Variants in KIAA1217 observed in about 807,000 individuals in gnomAD.
The protein encoded by KIAA1217 is KIAA1217, also known as sickle tail protein homolog.
KIAA1217 carries 88 observed loss-of-function variants against 163.9 expected under a neutral mutation model. The ratio of observed to expected loss-of-function variants is 0.54; its 90% CI spans 0.45 to 0.64. The LOEUF (loss-of-function observed/expected upper bound fraction) is 0.64, where lower values mean the gene tolerates loss of function less well. Ranked by LOEUF, KIAA1217 falls within the 30% of genes least tolerant of loss-of-function variation. The probability of loss-of-function intolerance (pLI) is 0.00; values close to 1 mark genes in which losing one functional copy is unlikely to be tolerated. For missense variants in KIAA1217, 2,372 were observed against 2,475.0 expected, an observed-to-expected ratio of 0.96 and a Z score of 0.88; for synonymous variants, 903 against 923.1, an observed-to-expected ratio of 0.98 and a Z score of 0.39.
chr10:24,265,485 T>C (rs2076148112), intron 2 of KIAA1217, among the ~76,000 whole-genome samples: 1 of 152,218 alleles, frequency 6.6e-6, no homozygotes, highest in South Asian at 2.1e-4. Flanking sequence ...TTCTTAGCTT[T>C]GTCTCTATCC....
At chr10:24,004,241 T>C (rs1039002697) in intron 1 of KIAA1217, among the ~76,000 whole-genome samples, 3 of 152,144 alleles carry the variant, frequency 2.0e-5, no homozygotes, top group Non-Finnish European at 4.4e-5. Flanking sequence ...CCTCCCAAAG[T>C]GCTGGGATTA....
intron 2 of KIAA1217, among the ~76,000 whole-genome samples, chr10:24,131,426 C>A (rs148151728): frequency 3.3e-5 from 5 of 152,080 alleles, no homozygotes; most frequent in Non-Finnish European, 5.9e-5. Flanking sequence ...ATGGAGAAAA[C>A]ATTTTCACAA....
Position 23,979,876 on chromosome 10 carries a change from T to A in KIAA1217, c.-320-27349T>A, listed in dbSNP as rs145460592. Among the ~76,000 whole-genome samples, 925 of 152,312 alleles carry A rather than the reference T, an allele frequency of 6.1e-3. 8 individuals carry two copies. The highest frequency in any genetic ancestry group is 0.021 in the African/African-American group (886 of 41,566). On this transcript the variant is annotated intron_variant, in intron 1 of 18. Transcript: ENST00000376462. ...TTTTCCTTTTTTTTCTAATTTTTGT[T>A]CCTTATTTCTCATATCTTTTGCTCT...
At chr10:24,108,379 T>A (rs970074008) in intron 2 of KIAA1217, among the ~76,000 whole-genome samples, 3 of 152,204 alleles carry the variant, frequency 2.0e-5, no homozygotes, top group Non-Finnish European at 2.9e-5. Context: ...CTTTTGAGGT[T>A]GTATAGTAAA....
intron 1 of KIAA1217, among the ~76,000 whole-genome samples, chr10:23,750,180 A>T (rs986357725): frequency 2.6e-5 from 4 of 152,120 alleles, no homozygotes; most frequent in Admixed American, 2.6e-4. Context: ...TAATATCCAA[A>T]CTGTCAGCTT....
At chr10:24,465,365 T>G (rs751988084) in intron 5 of KIAA1217, among the ~76,000 whole-genome samples, 1 of 152,250 alleles carries the variant, frequency 6.6e-6, no homozygotes, top group Non-Finnish European at 1.5e-5. Context: ...AGTGATTTGA[T>G]GGCAGTAAAC....
At chr10:23,973,177 GT>G (rs5783870) in intron 1 of KIAA1217, among the ~76,000 whole-genome samples, 92,207 of 151,992 alleles carry the variant, frequency 0.61, 29,975 homozygotes, top group African/African-American at 0.85. Flanking sequence ...TGAATTTAAA[GT>G]TTTTTTCCGC....
intron 3 of KIAA1217, among the ~76,000 whole-genome samples, chr10:24,384,230 C>T (rs1192883419): frequency 6.6e-6 from 1 of 152,196 alleles, no homozygotes; most frequent in Non-Finnish European, 1.5e-5. Context: ...TAAGTTCTCT[C>T]ATGAAGCCCT....
intron 1 of KIAA1217, among the ~76,000 whole-genome samples, chr10:23,719,609 A>G (rs1178360565): frequency 6.6e-6 from 1 of 151,658 alleles, no homozygotes; most frequent in Non-Finnish European, 1.5e-5. Context: ...TAAATAAATA[A>G]AAAGGAAGAA....
chr10:24,124,871 T>C (rs944627620), intron 2 of KIAA1217, among the ~76,000 whole-genome samples: 1 of 152,242 alleles, frequency 6.6e-6, no homozygotes, highest in African/African-American at 2.4e-5. Flanking sequence ...TTACTCATTT[T>C]ATATTAACTT....
chr10:24,252,629 A>C (rs2131547681), intron 2 of KIAA1217, among the ~76,000 whole-genome samples: 1 of 152,224 alleles, frequency 6.6e-6, no homozygotes, highest in African/African-American at 2.4e-5. Flanking sequence ...GCTACATGTG[A>C]TCAGATTTGG....
intron 2 of KIAA1217, among the ~76,000 whole-genome samples, chr10:24,115,317 T>C (rs12262672): frequency 0.063 from 9,641 of 152,262 alleles, 894 homozygotes; most frequent in African/African-American, 0.2. Context: ...TTTGCATTCA[T>C]TATTTAGATG....
chr10:23,709,193 T>C (rs1837074460), intron 1 of KIAA1217, among the ~76,000 whole-genome samples: 1 of 152,090 alleles, frequency 6.6e-6, no homozygotes, highest in Admixed American at 6.6e-5. Context: ...TCTCAGGTAT[T>C]CGGCTATAGC....
rs77189067 is a variant in KIAA1217, at chr10:24,238,874, T to C, written c.354+18965T>C. Among the ~76,000 whole-genome samples, 979 of 152,304 alleles carry C rather than the reference T, an allele frequency of 6.4e-3. 13 individuals are homozygous for C. The highest frequency in any genetic ancestry group is 0.054 in the East Asian group (282 of 5,178). ...CGCCTATAATTTTGATCATTGTTTT[T>C]TGCAAAACAGCTCAGGCTTTGAAAA... is the stretch of plus-strand genomic sequence containing the variant. On this transcript the variant is annotated intron_variant, in intron 2 of 20. Coordinates refer to ENST00000376454, the MANE Select transcript of KIAA1217 (RefSeq NM_019590.5).
chr10:24,271,562 G>A (rs1351820725), intron 2 of KIAA1217, among the ~76,000 whole-genome samples: 2 of 152,000 alleles, frequency 1.3e-5, no homozygotes, highest in African/African-American at 4.8e-5. Flanking sequence ...ACCAGCGTGG[G>A]CAACGTGGCA....
chr10:24,319,811 G>T (rs1054794161), intron 2 of KIAA1217, among the ~76,000 whole-genome samples: 1 of 152,222 alleles, frequency 6.6e-6, no homozygotes, highest in Non-Finnish European at 1.5e-5. Flanking sequence ...TAACAAGCCA[G>T]CATTAAATCC....
intron 1 of KIAA1217, among the ~76,000 whole-genome samples, chr10:23,913,820 G>A (rs537404022): frequency 1.3e-5 from 2 of 152,252 alleles, no homozygotes; most frequent in Admixed American, 6.5e-5. Context: ...TCCCATGGGG[G>A]AGTCTCTTTG....
At chr10:23,771,573 T>C (rs1172311893) in intron 1 of KIAA1217, among the ~76,000 whole-genome samples, 1 of 152,208 alleles carries the variant, frequency 6.6e-6, no homozygotes, top group East Asian at 1.9e-4. Context: ...TAAGGCACAA[T>C]AGAATTTTAT....
intron 20 of KIAA1217, 196 bp downstream of exon 20, chr10:24,545,299 A>G: frequency 7.1e-7 from 1 of 1,408,284 alleles, no homozygotes; most frequent in Non-Finnish European, 9.2e-7. Context: ...TTGCAATAAA[A>G]CATCTTTTAC....
Sources: gnomAD v4.1 joint callset for allele counts (sites outside exome capture counted in the v4.1 genomes callset) on GRCh38, gnomAD v4.1.1 for gene constraint, MANE v1.5 for transcripts, NCBI Gene and HGNC (gene_info 2026-07-23, HGNC 2026-07-21) for gene names.